Variants in P4HA1 observed in about 807,000 individuals in gnomAD.
P4HA1 encodes prolyl 4-hydroxylase subunit alpha-1.
P4HA1 carries 24 observed loss-of-function variants against 72.8 expected under a neutral mutation model. The ratio of observed to expected loss-of-function variants is 0.33; its 90% CI spans 0.24 to 0.46. P4HA1 has a LOEUF of 0.46. Among genes scored for constraint, P4HA1 ranks in the 20% least tolerant of loss-of-function variants. The probability of loss-of-function intolerance (pLI) is 1.00; values close to 1 mark genes in which losing one functional copy is unlikely to be tolerated. For missense variants in P4HA1, 446 were observed against 640.6 expected, an observed-to-expected ratio of 0.70 and a Z score of 3.28; for synonymous variants, 201 against 218.8, an observed-to-expected ratio of 0.92 and a Z score of 0.72.
In P4HA1 at chr10:73,020,831, T is replaced by C. The variant is rs1840118141; in HGVS notation, c.1249-3932A>G. On this transcript the variant is annotated intron_variant, in intron 10 of 14. Coordinates refer to ENST00000394890, the MANE Select transcript of P4HA1 (RefSeq NM_001017962.3). ...TCATCTCTGCAAATGCAGAAAAAGC[T>C]TTCAAAAAAATTCAGCATCCTGGCC... Among the ~76,000 whole-genome samples the C allele has an allele frequency of 1.3e-5, 2 of 152,118 alleles. 1 individual carries two copies. Among genetic ancestry groups the C allele is most frequent in the South Asian group, 4.1e-4 (2 of 4,826 alleles).
chr10:73,073,928 T>C, intron 2 of P4HA1, 101 bp from the exon 3 acceptor site: 1 of 719,954 alleles, frequency 1.4e-6, no homozygotes. Context: ...ACAATTTAAC[T>C]GGCATGAATC....
At chr10:73,031,000 A>G (rs1188627910) in intron 9 of P4HA1, among the ~76,000 whole-genome samples, 1 of 152,196 alleles carries the variant, frequency 6.6e-6, no homozygotes, top group Non-Finnish European at 1.5e-5. Context: ...TGACCCAGCA[A>G]TTTACTTCTA....
chr10:73,009,332 A>G (rs1839861220), intron 14 of P4HA1, among the ~76,000 whole-genome samples: 1 of 152,142 alleles, frequency 6.6e-6, no homozygotes, highest in Non-Finnish European at 1.5e-5. Flanking sequence ...GCCTCTTTAA[A>G]TTTTGCACAT....
At chr10:73,014,430 A>G in intron 11 of P4HA1, 141 bp from the exon 12 acceptor site, 1 of 629,930 alleles carries the variant, frequency 1.6e-6, no homozygotes. Context: ...TGTCCAGTGC[A>G]CTATAAACAT....
Position 73,016,906 on chromosome 10 carries a change from G to A in P4HA1, c.1249-7C>T, listed in dbSNP as rs763141487. 5.0e-6 allele frequency: 8 copies of A among 1,607,550 alleles called. No homozygotes were observed. In the Admixed American group the frequency reaches 1.3e-4, roughly 27 times the overall value. On this transcript the variant is annotated splice_region_variant and splice_polypyrimidine_tract_variant and intron_variant, in intron 10 of 14. Transcript: ENST00000394890. ...CAACTCCATAATTTGCTACCTGAAG[G>A]AAAGACACAAAGCATGAAAGAAAAG...
chr10:73,058,774 CTTTTTTTT>C (rs151028824), intron 5 of P4HA1, among the ~76,000 whole-genome samples: 1 of 123,840 alleles, frequency 8.1e-6, no homozygotes, highest in Non-Finnish European at 1.7e-5. Context: ...TTATAGTATG[CTTTTTTTT>C]TTTTTTTTTT....
chr10:73,072,690 G>A, intron 3 of P4HA1, among the ~76,000 whole-genome samples: 1 of 152,060 alleles, frequency 6.6e-6, no homozygotes, highest in East Asian at 1.9e-4. Flanking sequence ...ATGAACATGA[G>A]TCAATTAAAA....
chr10:73,023,982 T>G (rs1304460395), intron 10 of P4HA1, among the ~76,000 whole-genome samples: 1 of 152,144 alleles, frequency 6.6e-6, no homozygotes, highest in Non-Finnish European at 1.5e-5. Context: ...GCACCCAGAT[T>G]CATAAGGCAA....
chr10:73,059,326 G>C (rs1454048145), intron 5 of P4HA1, among the ~76,000 whole-genome samples: 4 of 147,600 alleles, frequency 2.7e-5, no homozygotes, highest in Non-Finnish European at 6.0e-5. Flanking sequence ...ATGGCGGCTA[G>C]AGCCTGTAAT....
chr10:73,055,774 A>G (rs1357292252), intron 5 of P4HA1, among the ~76,000 whole-genome samples: 1 of 152,246 alleles, frequency 6.6e-6, no homozygotes, highest in African/African-American at 2.4e-5. Context: ...TAAAACCACC[A>G]CAAATAAAAA....
intron 5 of P4HA1, among the ~76,000 whole-genome samples, chr10:73,062,309 T>C (rs1841330474): frequency 6.6e-6 from 1 of 152,108 alleles, no homozygotes; most frequent in South Asian, 2.1e-4. Flanking sequence ...GAGAAAGTCA[T>C]GTCCTACAGG....
At chr10:73,078,594 T>G (rs1000886675) in intron 1 of P4HA1, among the ~76,000 whole-genome samples, 12 of 147,200 alleles carry the variant, frequency 8.2e-5, no homozygotes, top group Non-Finnish European at 1.3e-4. Context: ...AGCAAAGCAG[T>G]AGGTAATTTT....
At chr10:73,077,245 A>G (rs1443312206) in intron 1 of P4HA1, among the ~76,000 whole-genome samples, 1 of 152,280 alleles carries the variant, frequency 6.6e-6, no homozygotes, top group Non-Finnish European at 1.5e-5. Flanking sequence ...TGCTATTTGC[A>G]GAAAATACAA....
chr10:73,032,965 C>A (rs1381006565), intron 9 of P4HA1, among the ~76,000 whole-genome samples: 1 of 152,118 alleles, frequency 6.6e-6, no homozygotes, highest in Non-Finnish European at 1.5e-5. Context: ...TTGGGACTGG[C>A]TGAGTATTAC....
chr10:73,062,411 GC>G (rs1841332951), intron 5 of P4HA1, among the ~76,000 whole-genome samples: 1 of 151,640 alleles, frequency 6.6e-6, no homozygotes, highest in Non-Finnish European at 1.5e-5. Context: ...ACAACAACAA[GC>G]CTACACAAGA....
chr10:73,081,374 G>T (rs928484249), intron 1 of P4HA1, among the ~76,000 whole-genome samples: 25 of 152,150 alleles, frequency 1.6e-4, no homozygotes, highest in African/African-American at 6.0e-4. Context: ...TGGTTAGATA[G>T]GTTCAAAAGT....
rs765288935 is a variant in P4HA1 at position 73,039,854 on chromosome 10, CT to C, written c.1148+5126del. On this transcript the variant is annotated intron_variant, in intron 9 of 14. Coordinates refer to ENST00000394890, the MANE Select transcript of P4HA1 (RefSeq NM_001017962.3). ...TCTTCCATTTGGCAACTGAGATGGCCTTTTTTTTTTTTTTTTTTTTTTTTGA... is the reference window on the plus strand; with the variant it reads ...TCTTCCATTTGGCAACTGAGATGGCCTTTTTTTTTTTTTTTTTTTTTTTGA... 4.7e-3 allele frequency among the ~76,000 whole-genome samples: 412 copies of C among 86,998 alleles called. 1 individual carries two copies. The highest frequency in any genetic ancestry group is 0.016 in the African/African-American group (302 of 18,968). 57.1% of individuals were successfully genotyped at this position (86,998 alleles called of 152,430 possible).
chr10:73,023,642 A>T (rs1328907978), intron 10 of P4HA1, among the ~76,000 whole-genome samples: 1 of 152,264 alleles, frequency 6.6e-6, no homozygotes, highest in South Asian at 2.1e-4. Context: ...ATTCACATAT[A>T]ACAATATTAG....
intron 7 of P4HA1, 27 bp downstream of exon 7, chr10:73,051,026 T>C: frequency 6.5e-7 from 1 of 1,536,566 alleles, no homozygotes; most frequent in Non-Finnish European, 9.0e-7. Context: ...CACATTCACA[T>C]ACACACAATT....
Sources: gnomAD v4.1 joint callset for allele counts (sites outside exome capture counted in the v4.1 genomes callset) on GRCh38, gnomAD v4.1.1 for gene constraint, MANE v1.5 for transcripts, NCBI Gene and HGNC (gene_info 2026-07-23, HGNC 2026-07-21) for gene names.